EBF1: variants seen among roughly 807,000 people sequenced by gnomAD.
EBF1 encodes EBF transcription factor 1.
Under a neutral mutation model 68.4 loss-of-function variants are expected in EBF1, and 10 were observed. The observed-to-expected ratio is 0.15, with a 90% CI of 0.09 to 0.25. EBF1 has a LOEUF of 0.25. EBF1 is among the 10% of genes least tolerant of loss of function. The pLI, the probability that EBF1 is intolerant of heterozygous loss-of-function variation, is 1.00. For missense variants in EBF1, 509 were observed against 794.4 expected, an observed-to-expected ratio of 0.64 and a Z score of 4.32; for synonymous variants, 298 against 299.8, an observed-to-expected ratio of 0.99 and a Z score of 0.06.
chr5:158,971,947 C>T (rs1583573994), intron 6 of EBF1, among the ~76,000 whole-genome samples: 1 of 152,206 alleles, frequency 6.6e-6, no homozygotes, highest in Non-Finnish European at 1.5e-5. Flanking sequence ...AGAAGAAGGA[C>T]ACTCATGTAT....
intron 6 of EBF1, among the ~76,000 whole-genome samples, chr5:159,068,620 G>A (rs1030426668): frequency 6.6e-6 from 1 of 152,088 alleles, no homozygotes; most frequent in African/African-American, 2.4e-5. Flanking sequence ...TTGTTTATCT[G>A]AGCAACCATA....
intron 6 of EBF1, among the ~76,000 whole-genome samples, chr5:159,057,133 GTCTCAC>G (rs1774925130): frequency 8.3e-6 from 1 of 121,016 alleles, no homozygotes; most frequent in African/African-American, 3.1e-5. Context: ...TTGAGATGGA[GTCTCAC>G]TCTGTCACCC....
intron 6 of EBF1, among the ~76,000 whole-genome samples, chr5:158,969,922 A>AG (rs34413450): frequency 0.042 from 5,128 of 123,436 alleles, 196 homozygotes; most frequent in Non-Finnish European, 0.052. Flanking sequence ...GAAAGAAAAA[A>AG]AAAAAAAAGG....
At chr5:159,016,585 T>C (rs777658053) in intron 6 of EBF1, among the ~76,000 whole-genome samples, 1 of 152,174 alleles carries the variant, frequency 6.6e-6, no homozygotes, top group Non-Finnish European at 1.5e-5. Flanking sequence ...ACAAAAGAAG[T>C]GTGATTCCCA....
In EBF1 at chr5:158,823,303, C is replaced by T. The variant is rs1472494756; in HGVS notation, c.651G>A (p.Thr217=). 3.1e-6 allele frequency: 5 copies of T among 1,612,778 alleles called. No homozygotes were observed. Among genetic ancestry groups the T allele is most frequent in the East Asian group, 2.2e-5 (1 of 44,856 alleles). The stretch of plus-strand genomic sequence containing the variant: ...GGACATGGCCATCCACATTGACTGT[C>T]GTAGACACCACGACCTGGAGACATA... ...DMRRFQVVVS[T]TVNVDGHVLA... is the part of the protein sequence containing the mutation. Residue 217 remains threonine, a synonymous_variant, in exon 8 of 16, where the codon ACG becomes ACA. Transcript: ENST00000313708.
intron 5 of EBF1, among the ~76,000 whole-genome samples, chr5:159,079,917 C>T (rs1779458960): frequency 6.6e-6 from 1 of 151,976 alleles, no homozygotes; most frequent in South Asian, 2.1e-4. Flanking sequence ...ACCTGACCTC[C>T]TCCTTTTATT....
chr5:158,920,512 T>C (rs2127400825), intron 6 of EBF1, among the ~76,000 whole-genome samples: 1 of 152,296 alleles, frequency 6.6e-6, no homozygotes, highest in East Asian at 1.9e-4. Flanking sequence ...TGGTGGCCAG[T>C]GTCCACAGTA....
intron 7 of EBF1, among the ~76,000 whole-genome samples, chr5:158,833,522 A>G (rs1273381432): frequency 1.3e-5 from 2 of 152,170 alleles, no homozygotes; most frequent in Non-Finnish European, 2.9e-5. Flanking sequence ...AAGCCTCCCT[A>G]TGATTGCATA....
At chr5:159,080,650 C>T (rs952018004) in intron 5 of EBF1, among the ~76,000 whole-genome samples, 4 of 152,192 alleles carry the variant, frequency 2.6e-5, no homozygotes, top group Admixed American at 6.5e-5. Flanking sequence ...AATACTCTTA[C>T]TATTAATAAT....
At chr5:158,729,384 CTGGGAACAA>C (rs147123106) in intron 11 of EBF1, among the ~76,000 whole-genome samples, 18,772 of 152,188 alleles carry the variant, frequency 0.12, 1,306 homozygotes, top group Admixed American at 0.16. Flanking sequence ...ATGTTCCTCA[CTGGGAACAA>C]TGGGAAGAAT....
At chr5:158,795,613 G>C (rs1779475931) in intron 9 of EBF1, among the ~76,000 whole-genome samples, 1 of 152,192 alleles carries the variant, frequency 6.6e-6, no homozygotes, top group African/African-American at 2.4e-5. Context: ...GCTCAGAACT[G>C]AGAACACAAT....
chr5:159,004,457 C>T (rs561235153), intron 6 of EBF1, among the ~76,000 whole-genome samples: 32 of 152,176 alleles, frequency 2.1e-4, no homozygotes, highest in African/African-American at 7.7e-4. Flanking sequence ...ACTTACAGGA[C>T]CTGGGACCAG....
At chr5:159,083,319 A>C (rs956135124) in intron 5 of EBF1, among the ~76,000 whole-genome samples, 4 of 152,232 alleles carry the variant, frequency 2.6e-5, no homozygotes, top group Non-Finnish European at 4.4e-5. Flanking sequence ...TTTATTGTAG[A>C]ATTGTTATGT....
At chr5:159,061,189 C>A (rs567874850) in intron 6 of EBF1, among the ~76,000 whole-genome samples, 2 of 152,030 alleles carry the variant, frequency 1.3e-5, no homozygotes, top group South Asian at 4.2e-4. Flanking sequence ...GGGTGATAGA[C>A]AAAACACTGC....
intron 6 of EBF1, among the ~76,000 whole-genome samples, chr5:159,031,267 G>A (rs376794339): frequency 5.9e-5 from 9 of 152,290 alleles, no homozygotes; most frequent in South Asian, 2.1e-4. Context: ...TGGAGCTGTC[G>A]GAATTTATAA....
intron 6 of EBF1, among the ~76,000 whole-genome samples, chr5:159,058,979 C>T (rs1775289644): frequency 6.6e-6 from 1 of 152,184 alleles, no homozygotes; most frequent in Non-Finnish European, 1.5e-5. Flanking sequence ...AAATCCTTGA[C>T]AGACATTCCA....
chr5:158,806,270 G>A (rs1470275366), intron 8 of EBF1, among the ~76,000 whole-genome samples: 1 of 152,092 alleles, frequency 6.6e-6, no homozygotes, highest in Non-Finnish European at 1.5e-5. Context: ...AGGCAAACAA[G>A]GTGCGAACGA....
chr5:158,847,760 C>T (rs556869873), intron 6 of EBF1, among the ~76,000 whole-genome samples: 2 of 152,322 alleles, frequency 1.3e-5, no homozygotes, highest in Admixed American at 1.3e-4. Flanking sequence ...CTTCTTGGAA[C>T]TGGGGACAGA....
At chr5:158,965,444 T>C (rs1423545451) in intron 6 of EBF1, among the ~76,000 whole-genome samples, 7 of 152,234 alleles carry the variant, frequency 4.6e-5, no homozygotes, top group Non-Finnish European at 1.0e-4. Flanking sequence ...AAGATTAATA[T>C]CATGCAGAAG....
Sources: gnomAD v4.1 joint callset for allele counts (sites outside exome capture counted in the v4.1 genomes callset) on GRCh38, gnomAD v4.1.1 for gene constraint, MANE v1.5 for transcripts, NCBI Gene and HGNC (gene_info 2026-07-23, HGNC 2026-07-21) for gene names.